The following CRB1 variants were observed in gnomAD, a reference collection of about 807,000 sequenced individuals.
CRB1 encodes the protein protein crumbs homolog 1.
A neutral mutation model predicts 120.0 loss-of-function variants in CRB1; 83 were observed. That is an observed-to-expected ratio of 0.69 (90% CI 0.58 to 0.83). CRB1 has a LOEUF of 0.83. CRB1 is among the 40% of genes least tolerant of loss of function. The pLI is 0.00. For missense variants in CRB1, 1,699 were observed against 1,687.6 expected (o/e 1.01, Z -0.12); for synonymous variants, 625 against 612.5 (o/e 1.02, Z -0.30).
intron 5 of CRB1, chr1:197,363,836 T>C: frequency 7.3e-6 from 6 of 822,342 alleles, no homozygotes; most frequent in Non-Finnish European, 1.3e-5. Context: ...CATCTGAAGT[T>C]CATCACCAGG....
At chr1:197,365,095 T>C (rs1244736867) in intron 5 of CRB1, among the ~76,000 whole-genome samples, 1 of 152,224 alleles carries the variant, frequency 6.6e-6, no homozygotes, top group African/African-American at 2.4e-5. Flanking sequence ...ATCAGTTTAT[T>C]TTCTGATTCT....
chr1:197,359,590 T>C, intron 5 of CRB1, among the ~76,000 whole-genome samples: 1 of 152,212 alleles, frequency 6.6e-6, no homozygotes, highest in Non-Finnish European at 1.5e-5. Flanking sequence ...AATATAAATA[T>C]TCACTTCTCT....
At chr1:197,250,513 G>A in the CRB1 span, among the ~76,000 whole-genome samples, 3 of 151,896 alleles carry the variant, frequency 2.0e-5, no homozygotes, top group Non-Finnish European at 4.4e-5. Context: ...TCGTCTTTCT[G>A]AGATTTACAT....
At chr1:197,354,816 C>A in intron 4 of CRB1, among the ~76,000 whole-genome samples, 1 of 6,248 alleles carries the variant, frequency 1.6e-4, no homozygotes, top group African/African-American at 3.9e-4. Flanking sequence ...ATCTGCCCCC[C>A]GCCCCCCCAC....
intron 11 of CRB1, among the ~76,000 whole-genome samples, chr1:197,471,541 C>G (rs1037921448): frequency 1.3e-5 from 2 of 152,292 alleles, no homozygotes; most frequent in African/African-American, 4.8e-5. Context: ...GGGAAAGGTG[C>G]CTGGTGGCTC....
intron 5 of CRB1, among the ~76,000 whole-genome samples, chr1:197,373,227 C>T (rs906747412): frequency 1.1e-4 from 17 of 152,140 alleles, no homozygotes; most frequent in Admixed American, 3.3e-4. Flanking sequence ...GAGATTCATT[C>T]ATTATATTTC....
chr1:197,222,369 G>A, the CRB1 span: 1 of 759,890 alleles, frequency 1.3e-6, no homozygotes, highest in East Asian at 2.5e-5. Flanking sequence ...GGCCTTCTCT[G>A]TGAAGGAAAA....
chr1:197,472,126 CA>C (rs1463815691), intron 11 of CRB1, among the ~76,000 whole-genome samples: 1 of 152,294 alleles, frequency 6.6e-6, no homozygotes. Flanking sequence ...AATACACACA[CA>C]GACACAACTA....
chr1:197,355,252 G>GACAC (rs1660399314), intron 4 of CRB1, among the ~76,000 whole-genome samples: 1 of 152,188 alleles, frequency 6.6e-6, no homozygotes, highest in Non-Finnish European at 1.5e-5. Context: ...CCTTGAGCTA[G>GACAC]ACACAGGGTG....
chr1:197,326,120 A>G (rs1658480712), intron 1 of CRB1, among the ~76,000 whole-genome samples: 1 of 152,224 alleles, frequency 6.6e-6, no homozygotes, highest in Admixed American at 6.5e-5. Context: ...ATACATATGC[A>G]TAGTTTTACA....
At chr1:197,264,728 T>G (rs1268264288), upstream of CRB1, among the ~76,000 whole-genome samples, 1 of 151,744 alleles carries the variant, frequency 6.6e-6, no homozygotes, top group Non-Finnish European at 1.5e-5. Flanking sequence ...TTCAAGGGAT[T>G]CTTGTGTCTC....
chr1:197,301,276 T>C (rs1402400701), intron 1 of CRB1, among the ~76,000 whole-genome samples: 2 of 151,930 alleles, frequency 1.3e-5, no homozygotes, highest in Non-Finnish European at 1.5e-5. Flanking sequence ...AATGATTCTC[T>C]TGCCTCAGCC....
chr1:197,452,134 G>C (rs560094374), intron 11 of CRB1, among the ~76,000 whole-genome samples: 5 of 152,244 alleles, frequency 3.3e-5, no homozygotes, highest in African/African-American at 7.2e-5. Flanking sequence ...CAGAGAGAGA[G>C]AGTGCTTTAT....
intron 10 of CRB1, chr1:197,441,339 G>A (rs1665423893): frequency 6.6e-6 from 1 of 152,124 alleles, no homozygotes; most frequent in African/African-American, 2.4e-5. Flanking sequence ...CATGATTGGT[G>A]ACTTAATCCA....
In CRB1 at chr1:197,344,332, A is replaced by G. The variant is rs1390090791; in HGVS notation, c.704A>G (p.Asn235Ser). 6.2e-7 allele frequency: 1 copy of G among 1,614,066 alleles called. No homozygotes were observed. The highest frequency in any genetic ancestry group is 8.5e-7 in the Non-Finnish European group (1 of 1,180,032). ...IDECWSQPCLNGATCQDALGA... is the reference protein window; with the variant it reads ...IDECWSQPCLSGATCQDALGA... Reference sequence around the variant, plus strand: ...GAATGTTGGTCCCAGCCTTGTTTAAATGGTGCAACTTGTCAGGATGCTCTG... The same window carrying G: ...GAATGTTGGTCCCAGCCTTGTTTAAGTGGTGCAACTTGTCAGGATGCTCTG... Residue 235 changes from asparagine to serine, a missense_variant, in exon 3 of 12, where the codon AAT (asparagine) becomes AGT (serine). Coordinates refer to ENST00000367400, the MANE Select transcript of CRB1 (RefSeq NM_201253.3).
At position 197,285,220 on chromosome 1, in the gene CRB1, C is replaced by T. The variant is rs117419804; in HGVS notation, c.70+16738C>T. 7.8e-4 allele frequency among the ~76,000 whole-genome samples: 119 copies of T among 151,900 alleles called. 2 individuals carry two copies. In the East Asian group the frequency reaches 0.022, roughly 28 times the overall value. ...GAAAAGAGAAGTTTGTCCAAGAGCA[C>T]GGCTTATAAGAGGGTTATGCAAGAA... On this transcript the variant is annotated intron_variant, in intron 1 of 11. Coordinates refer to ENST00000367400, the MANE Select transcript of CRB1 (RefSeq NM_201253.3).
the CRB1 span, among the ~76,000 whole-genome samples, chr1:197,209,149 C>T: frequency 6.6e-6 from 1 of 152,172 alleles, no homozygotes; most frequent in South Asian, 2.1e-4. Context: ...GGCTACTAGC[C>T]TCCCAACTGA....
chr1:197,282,489 A>G (rs1317265559), intron 1 of CRB1, among the ~76,000 whole-genome samples: 1 of 151,938 alleles, frequency 6.6e-6, no homozygotes, highest in East Asian at 1.9e-4. Flanking sequence ...TATGTATAAT[A>G]GTGAAAAATT....
At chr1:197,333,967 A>T (rs1255481848) in intron 2 of CRB1, among the ~76,000 whole-genome samples, 2 of 152,258 alleles carry the variant, frequency 1.3e-5, no homozygotes, top group African/African-American at 4.8e-5. Context: ...CTCTGATATG[A>T]AACAAATGCA....
Sources: allele counts gnomAD v4.1 joint callset (sites outside exome capture counted in the v4.1 genomes callset), GRCh38; gene constraint gnomAD v4.1.1; transcripts MANE v1.5; gene names NCBI Gene and HGNC (gene_info 2026-07-23, HGNC 2026-07-21).